The following MST1 variants were observed in gnomAD, a reference collection of about 807,000 sequenced individuals.
MST1 encodes the protein hepatocyte growth factor-like protein.
MST1 carries 76 observed loss-of-function variants against 100.1 expected under a neutral mutation model. The ratio of observed to expected loss-of-function variants is 0.76; its 90% CI spans 0.63 to 0.92. MST1 has a LOEUF of 0.92. Among genes scored for constraint, MST1 ranks in the 40% least tolerant of loss-of-function variants. The probability of loss-of-function intolerance (pLI) is 0.00; values close to 1 mark genes in which losing one functional copy is unlikely to be tolerated. For synonymous variants in MST1, 352 were observed against 385.4 expected (o/e 0.91, Z 1.01); for missense variants, 850 against 990.0 (o/e 0.86, Z 1.90).
chr3:49,686,821 C>A lies in MST1; in HGVS notation c.729-19G>T, dbSNP rs773835005. 6.2e-7 allele frequency: 1 copy of A among 1,612,596 alleles called. No homozygotes were observed. Among genetic ancestry groups the A allele is most frequent in the Middle Eastern group, 1.7e-4 (1 of 5,848 alleles). On this transcript the variant is annotated intron_variant, in intron 6 of 17. Transcript: ENST00000449682. ...GAGGAACCTGGGGGCGGTAATGGGG[C>A]GTGAACAAGACCCTGGGACTCTGGC... is the stretch of plus-strand genomic sequence containing the variant.
chr3:49,686,253 C>T, intron 8 of MST1, 60 bp downstream of exon 8: 1 of 1,607,498 alleles, frequency 6.2e-7, no homozygotes, highest in African/African-American at 1.3e-5. Context: ...CCGTGACTAC[C>T]TTCCTCCCGT....
chr3:49,684,422 G>A lies in MST1; in HGVS notation c.1908C>T (p.Ala636=), dbSNP rs1559645727. Residue 636 remains alanine, a synonymous_variant, in exon 17 of 18, where the codon GCC becomes GCT. Coordinates refer to ENST00000449682, the MANE Select transcript of MST1 (RefSeq NM_020998.4). ...CCTGGTTGGAGATGACATTCAGCAA[G>A]GCCACATTTAGGACTGTGTCATTAC... is the stretch of plus-strand genomic sequence containing the variant. ...GTGNDTVLNV[A]LLNVISNQEC... 1.9e-6 allele frequency: 3 copies of A among 1,613,460 alleles called. No individual in the cohort carries two copies. The highest frequency in any genetic ancestry group is 2.5e-6 in the Non-Finnish European group (3 of 1,179,858).
At chr3:49,686,005 G>C in intron 9 of MST1, 43 bp from the exon 10 acceptor site, 1 of 1,603,098 alleles carries the variant, frequency 6.2e-7, no homozygotes, top group Non-Finnish European at 8.5e-7. Context: ...ACCTCGCCCC[G>C]GCCCTCCGGT....
Position 49,686,081 on chromosome 3 carries a change from T to C in MST1, c.1128A>G (p.Thr376=), listed in dbSNP as rs1342541440. ...CCTCACCCTGGGGCCGCACGTCGTC[T>C]GTACAACGCCGGATCTGGTAGCAAA... ...AAFCYQIRRC[T]DDVRPQDCYH... Residue 376 remains threonine, a synonymous_variant, in exon 9 of 18, where the codon ACA becomes ACG. Transcript: ENST00000449682. 2 of 1,610,506 alleles carry C rather than the reference T, an allele frequency of 1.2e-6. No homozygotes were observed. The highest frequency in any genetic ancestry group is 2.7e-5 in the African/African-American group (2 of 74,846).
chr3:49,686,027 A>G, intron 9 of MST1, 35 bp downstream of exon 9: 1 of 1,605,364 alleles, frequency 6.2e-7, no homozygotes, highest in Non-Finnish European at 8.5e-7. Flanking sequence ...CCAGGCTTCC[A>G]GCCCGGCTCT....
Position 49,686,801 on chromosome 3 carries a change from A to G in MST1, c.730T>C (p.Phe244Leu). The G allele has an allele frequency of 6.2e-7, 1 of 1,612,440 alleles. No homozygotes were observed. The highest frequency in any genetic ancestry group is 8.5e-7 in the Non-Finnish European group (1 of 1,179,788). The change falls in exon 7 of 18, where the codon TTC becomes CTC. Residue 244 changes from phenylalanine (F) to leucine (L), a missense_variant and splice_region_variant. Around this residue, in one of 2 missense-constraint regions of MST1, gnomAD observed 816 missense variants for 924.6 expected, o/e 0.88. Transcript: ENST00000449682. ...TTGTCGTCCAGACCTTGGTCGAGGAACCTGGGGGCGGTAATGGGGCGTGAA... is the reference window on the plus strand; with the variant it reads ...TTGTCGTCCAGACCTTGGTCGAGGAGCCTGGGGGCGGTAATGGGGCGTGAA... ...PHQHPFEPGK[F>L]LDQGLDDNYC...
At chr3:49,686,032 G>A (rs2053702893) in intron 9 of MST1, 30 bp downstream of exon 9, 1 of 1,605,414 alleles carries the variant, frequency 6.2e-7, no homozygotes, top group Non-Finnish European at 8.5e-7. Context: ...CTTCCAGCCC[G>A]GCTCTGTAGC....
chr3:49,686,597 C>T (rs1575500299), intron 7 of MST1, 87 bp downstream of exon 7: 3 of 1,551,024 alleles, frequency 1.9e-6, no homozygotes, highest in East Asian at 2.4e-5. Context: ...TCTCAGGTCA[C>T]GCCCAGCCCC....
chr3:49,688,255 G>T, intron 1 of MST1: 1 of 464,202 alleles, frequency 2.2e-6, no homozygotes, highest in Non-Finnish European at 3.9e-6. Context: ...CCAGCCAGGG[G>T]CCCTGGCTAG....
At position 49,685,876 on chromosome 3, in the gene MST1, T is replaced by C. The variant is rs1192957663; in HGVS notation, c.1234A>G (p.Thr412Ala). ...GGGACTCACTGCGGCTTGTGCGGCG[T>C]CTCAGCGGACCAGCGCTGGCACTGG... Reference protein sequence around the residue: ...GVQCQRWSAETPHKPQFTFTS... With the variant: ...GVQCQRWSAEAPHKPQFTFTS... Residue 412 changes from threonine (T) to alanine (A), a missense_variant, in exon 10 of 18, where the codon ACG (threonine) becomes GCG (alanine). This residue lies in a region of MST1 where 816 missense variants were observed against 924.6 expected (regional missense o/e 0.88). Transcript: ENST00000449682. 4 of 1,608,516 alleles carry C rather than the reference T, an allele frequency of 2.5e-6. No individual in the cohort carries two copies. In the South Asian group the frequency reaches 4.4e-5, roughly 18 times the overall value.
rs1264304742 is a variant in MST1 at position 49,685,324 on chromosome 3, G to A, written c.1482C>T (p.Ser494=). Reference sequence around the variant, plus strand: ...GATGGCCCCCAACCACGCGCAGCTTGGAACGCCGCTGATCCAGCCGATCCA... The same window carrying A: ...GATGGCCCCCAACCACGCGCAGCTTAGAACGCCGCTGATCCAGCCGATCCA... ...KRVDRLDQRR[S]KLRVVGGHPG... is the part of the protein sequence containing the mutation. The change falls in exon 13 of 18, where the codon TCC becomes TCT. Residue 494 remains serine (S), a synonymous_variant. Coordinates refer to ENST00000449682, the MANE Select transcript of MST1 (RefSeq NM_020998.4). 1 of 1,613,386 alleles carries A rather than the reference G, an allele frequency of 6.2e-7. No individual in the cohort carries two copies. The highest frequency in any genetic ancestry group is 8.5e-7 in the Non-Finnish European group (1 of 1,179,864).
At position 49,687,547 on chromosome 3, in the gene MST1, C is replaced by G. The variant is rs2053881385; in HGVS notation, c.355+9G>C. The G allele has an allele frequency of 1.2e-6, 2 of 1,613,478 alleles. No homozygotes were observed. The highest frequency in any genetic ancestry group is 8.5e-7 in the Non-Finnish European group (1 of 1,179,878). On this transcript the variant is annotated intron_variant, in intron 3 of 17. Transcript: ENST00000449682. ...GTCTCCCACCCTGCCCCTCTCCACC[C>G]CCACTTGCCTTTCTTCTGGAAGAGG...
At position 49,685,636 on chromosome 3, in the gene MST1, G is replaced by A. The variant is rs1156521206; in HGVS notation, c.1347C>T (p.Asp449=). The part of the protein sequence containing the change: ...DSHGPWCYTM[D]PRTPFDYCAL... ...CACAGTAGTCGAATGGGGTCCTTGGGTCCATCGTGTAGCACCAGGGCCCAT... is the reference window on the plus strand; with the variant it reads ...CACAGTAGTCGAATGGGGTCCTTGGATCCATCGTGTAGCACCAGGGCCCAT... The change falls in exon 11 of 18, where the codon GAC becomes GAT. Residue 449 remains aspartate, a synonymous_variant. Transcript: ENST00000449682. 6.2e-7 allele frequency: 1 copy of A among 1,613,388 alleles called. No homozygotes were observed. Among genetic ancestry groups the A allele is most frequent in the Non-Finnish European group, 8.5e-7 (1 of 1,179,840 alleles).
rs749136503 is a variant in MST1 at position 49,686,932 on chromosome 3, A to G, written c.728+15T>C. On this transcript the variant is annotated intron_variant, in intron 6 of 17. Coordinates refer to ENST00000449682, the MANE Select transcript of MST1 (RefSeq NM_020998.4). Reference sequence around the variant, plus strand: ...CTAGCCCGGCCCCCAGGACGCCGATACCGCCTACGCGTACTTGCCCGGCTC... The same window carrying G: ...CTAGCCCGGCCCCCAGGACGCCGATGCCGCCTACGCGTACTTGCCCGGCTC... 1.2e-6 allele frequency: 2 copies of G among 1,611,590 alleles called. No homozygotes were observed. Among genetic ancestry groups the G allele is most frequent in the Non-Finnish European group, 1.7e-6 (2 of 1,179,676 alleles).
chr3:49,687,611 G>A lies in MST1; in HGVS notation c.300C>T (p.His100=), dbSNP rs557952138. The change falls in exon 3 of 18, where the codon CAC becomes CAT. Residue 100 remains histidine, a synonymous_variant. Transcript: ENST00000449682. ...HGCQLLPWTQ[H]SPHTRLRRSG... ...AACGCCGCAGCCTCGTGTGGGGCGA[G>A]TGTTGAGTCCATGGCAGCAGTTGGC... 1.2e-5 allele frequency: 19 copies of A among 1,613,616 alleles called. No individual in the cohort carries two copies. The African/African-American group carries it at 1.9e-4, about 16-fold the overall frequency.
chr3:49,685,377 C>G lies in MST1; in HGVS notation c.1429G>C (p.Val477Leu). Residue 477 changes from valine (V) to leucine (L), a missense_variant, in exon 13 of 18, where the codon GTG becomes CTG. Physicochemically the swap from Val to Leu is conservative, Grantham distance 32. Coordinates refer to ENST00000449682, the MANE Select transcript of MST1 (RefSeq NM_020998.4). ...PPSILDPPDQ[V>L]QFEKCGKRVD... ...CTCTTGCCACACTTCTCAAACTGCA[C>G]CTGGTCTGTAGGATGGGGTGGGCTG... 1 of 1,613,714 alleles carries G rather than the reference C, an allele frequency of 6.2e-7. No individual in the cohort carries two copies. The highest frequency in any genetic ancestry group is 8.5e-7 in the Non-Finnish European group (1 of 1,179,866).
Position 49,685,949 on chromosome 3 carries a change from G to T in MST1, c.1161C>A (p.Gly387=). 6.2e-7 allele frequency: 1 copy of T among 1,609,866 alleles called. No homozygotes were observed. Among genetic ancestry groups the T allele is most frequent in the Non-Finnish European group, 8.5e-7 (1 of 1,179,268 alleles). Residue 387 remains glycine, a synonymous_variant, in exon 10 of 18, where the codon GGC becomes GGA. Coordinates refer to ENST00000449682, the MANE Select transcript of MST1 (RefSeq NM_020998.4). ...CCGTGCCGCGGTACTGCTCCCCTGC[G>T]CCGTGGTAGCAGTCTGTGGCGGGTG... ...DDVRPQDCYH[G]AGEQYRGTVS...
chr3:49,685,438 A>G, intron 12 of MST1, 33 bp downstream of exon 12: 1 of 1,613,126 alleles, frequency 6.2e-7, no homozygotes, highest in Non-Finnish European at 8.5e-7. Context: ...CGTGGGCTAA[A>G]GGGCCTGACC....
In MST1 at chr3:49,687,659, G is replaced by A; in HGVS notation, c.252C>T (p.His84=). The A allele has an allele frequency of 6.2e-7, 1 of 1,613,474 alleles. No homozygotes were observed. The highest frequency in any genetic ancestry group is 1.1e-5 in the South Asian group (1 of 91,078). ...GGCAACCATGGCTGCTCACGTTGTA[G>A]TGGAAGGCCCTGGAGAGAAGAAGGC... The part of the protein sequence containing the change: ...CGPLMDCRAF[H]YNVSSHGCQL... The change falls in exon 3 of 18, where the codon CAC becomes CAT. Residue 84 remains histidine (H), a synonymous_variant. Transcript: ENST00000449682.
Sources: allele counts gnomAD v4.1 joint callset, GRCh38; gene constraint gnomAD v4.1.1; regional missense constraint gnomAD v4.1.1; transcripts MANE v1.5; gene names NCBI Gene and HGNC (gene_info 2026-07-23, HGNC 2026-07-21).